Variants in PYGB observed in about 807,000 individuals in gnomAD.
PYGB encodes glycogen phosphorylase B.
Under a neutral mutation model 94.3 loss-of-function variants are expected in PYGB, and 82 were observed. That is an observed-to-expected ratio of 0.87 (90% CI 0.73 to 1.04). The LOEUF is 1.04. Among genes scored for constraint, PYGB ranks in the 50% least tolerant of loss-of-function variants. PYGB has a pLI of 0.00. For missense variants in PYGB, 1,132 were observed against 1,158.2 expected (o/e 0.98, Z 0.33); for synonymous variants, 488 against 479.1 (o/e 1.02, Z -0.24).
chr20:25,269,219 C>T lies in PYGB; in HGVS notation c.424+12C>T, dbSNP rs1415967713. 4.5e-6 allele frequency: 7 copies of T among 1,555,186 alleles called. No individual in the cohort carries two copies. Among genetic ancestry groups the T allele is most frequent in the Non-Finnish European group, 6.2e-6 (7 of 1,128,064 alleles). On this transcript the variant is annotated intron_variant, in intron 3 of 19. Transcript: ENST00000216962. ...GGGGAGGCTGGCAGGTAAGTTGCCCCATCCAGGAGGAGCTCTCTCGGACCC... is the reference window on the plus strand; with the variant it reads ...GGGGAGGCTGGCAGGTAAGTTGCCCTATCCAGGAGGAGCTCTCTCGGACCC...
Position 25,248,291 on chromosome 20 carries a change from T to C in PYGB, c.113T>C (p.Phe38Ser), listed in dbSNP as rs1315142552. Reference sequence around the variant, plus strand: ...AAGAGCTTCAACCGGCACTTGCACTTCACGCTGGTCAAGGACCGCAATGTG... The same window carrying C: ...AAGAGCTTCAACCGGCACTTGCACTCCACGCTGGTCAAGGACCGCAATGTG... ...VRKSFNRHLH[F>S]TLVKDRNVAT... The change falls in exon 1 of 20, where the codon TTC becomes TCC. Residue 38 changes from phenylalanine (F) to serine (S), a missense_variant. Physicochemically the swap from Phe to Ser is radical, Grantham distance 155. Coordinates refer to ENST00000216962, the MANE Select transcript of PYGB (RefSeq NM_002862.4). 3 of 1,604,966 alleles carry C rather than the reference T, an allele frequency of 1.9e-6. No homozygotes were observed. The highest frequency in any genetic ancestry group is 1.7e-5 in the Admixed American group (1 of 58,734).
intron 2 of PYGB, among the ~76,000 whole-genome samples, chr20:25,268,052 G>A (rs2088232619): frequency 6.6e-6 from 1 of 151,676 alleles, no homozygotes; most frequent in African/African-American, 2.4e-5. Flanking sequence ...TTTTATGGTT[G>A]GTTAAGTTTA....
intron 4 of PYGB, among the ~76,000 whole-genome samples, chr20:25,272,717 C>T (rs2088277810): frequency 6.6e-6 from 1 of 152,244 alleles, no homozygotes; most frequent in Non-Finnish European, 1.5e-5. Flanking sequence ...AGGCGCCTTT[C>T]TCCACTGCCT....
chr20:25,262,717 A>G (rs2092916400), intron 2 of PYGB, among the ~76,000 whole-genome samples: 2 of 151,574 alleles, frequency 1.3e-5, no homozygotes, highest in Non-Finnish European at 2.9e-5. Context: ...TATTCAGGAG[A>G]CCCATCTCAC....
Position 25,280,960 on chromosome 20 carries a change from G to A in PYGB, c.1251G>A (p.Ala417=), listed in dbSNP as rs767274675. The A allele has an allele frequency of 8.7e-6, 14 of 1,613,916 alleles. No individual in the cohort carries two copies. Among genetic ancestry groups the A allele is most frequent in the South Asian group, 5.5e-5 (5 of 91,054 alleles). ...INQRHLDHVA[A]LFPGDVDRLR... is the part of the protein sequence containing the mutation. ...TGTTTTGGCACCAGCACGTGGCCGC[G>A]CTGTTTCCCGGCGATGTGGACCGCC... Residue 417 remains alanine, a synonymous_variant, in exon 11 of 20, where the codon GCG becomes GCA. Coordinates refer to ENST00000216962, the MANE Select transcript of PYGB (RefSeq NM_002862.4).
chr20:25,259,817 T>C (rs889832717), intron 2 of PYGB, among the ~76,000 whole-genome samples: 1 of 152,240 alleles, frequency 6.6e-6, no homozygotes, highest in Admixed American at 6.5e-5. Context: ...CATTAGCACT[T>C]GTTCACTTTG....
chr20:25,274,857 G>T, intron 5 of PYGB, 134 bp downstream of exon 5: 1 of 1,372,406 alleles, frequency 7.3e-7, no homozygotes, highest in South Asian at 1.4e-5. Context: ...GTAAAAGCCG[G>T]GGGAGGTTTA....
At chr20:25,261,031 C>G (rs527330919) in intron 2 of PYGB, among the ~76,000 whole-genome samples, 2 of 152,348 alleles carry the variant, frequency 1.3e-5, no homozygotes, top group Admixed American at 1.3e-4. Context: ...CTGCCTGCCT[C>G]TGTAGACTCC....
intron 14 of PYGB, 87 bp from the exon 15 acceptor site, chr20:25,288,338 A>G (rs1488645970): frequency 4.2e-6 from 6 of 1,435,598 alleles, no homozygotes; most frequent in Admixed American, 3.3e-5. Flanking sequence ...GTCCTGCCTC[A>G]GGGTCGGCCT....
At chr20:25,285,313 C>T (rs1280538548) in intron 14 of PYGB, 3 of 152,194 alleles carry the variant, frequency 2.0e-5, no homozygotes, top group Non-Finnish European at 2.9e-5. Flanking sequence ...GGTGGTGACC[C>T]GGAGTCCTCC....
At position 25,248,108 on chromosome 20, in the gene PYGB, G is replaced by T; in HGVS notation, c.-71G>T. 6.8e-7 allele frequency: 1 copy of T among 1,475,646 alleles called. No individual in the cohort carries two copies. The highest frequency in any genetic ancestry group is 2.6e-5 in the East Asian group (1 of 37,846). The allele number at this position is 1,475,646 out of a possible 1,614,324, so 91.4% of individuals were successfully genotyped here. A position where few individuals can be genotyped will look rare whatever the true frequency, so the allele number is the denominator to read the frequency against. On this transcript the variant is annotated 5_prime_UTR_variant, in exon 1 of 20. Transcript: ENST00000216962. ...CCAGAGCAGCGGCGCCAGAGCAGCT[G>T]CACCATCCCGGCGTTCGCGTGTGCC...
intron 3 of PYGB, among the ~76,000 whole-genome samples, chr20:25,269,939 T>TA (rs2088251231): frequency 1.3e-5 from 2 of 152,112 alleles, no homozygotes; most frequent in African/African-American, 4.8e-5. Context: ...CATGGCCAGA[T>TA]ATGAGTAGAG....
At chr20:25,292,284 A>C in intron 16 of PYGB, 122 bp from the exon 17 acceptor site, 1 of 981,692 alleles carries the variant, frequency 1.0e-6, no homozygotes. Context: ...GAGCGGGGCC[A>C]CAGCATTGGT....
chr20:25,267,357 G>T (rs1464038124), intron 2 of PYGB, among the ~76,000 whole-genome samples: 1 of 152,198 alleles, frequency 6.6e-6, no homozygotes, highest in African/African-American at 2.4e-5. Context: ...GGAATTAGTG[G>T]TGATGGTTGC....
At position 25,297,387 on chromosome 20, in the gene PYGB, T is replaced by C. The variant is rs2088564450; in HGVS notation, c.*865T>C. 6.6e-6 allele frequency: 1 copy of C among 152,474 alleles called. No individual in the cohort carries two copies. Among genetic ancestry groups the C allele is most frequent in the Admixed American group, 6.5e-5 (1 of 15,286 alleles). The allele number at this position is 152,474 out of a possible 1,614,324, so 9.4% of individuals were successfully genotyped here. On this transcript the variant is annotated 3_prime_UTR_variant, in exon 20 of 20. Transcript: ENST00000216962. ...CACTTTTGTGCTTGAGGAGGCCCATTTTCTGCCTGGCAGGGGGCAGGTCTG... is the reference window on the plus strand; with the variant it reads ...CACTTTTGTGCTTGAGGAGGCCCATCTTCTGCCTGGCAGGGGGCAGGTCTG...
chr20:25,251,771 C>T (rs2092888709), intron 1 of PYGB, among the ~76,000 whole-genome samples: 1 of 152,202 alleles, frequency 6.6e-6, no homozygotes, highest in Non-Finnish European at 1.5e-5. Context: ...GTGGATGTAA[C>T]AATCAGTTTT....
intron 17 of PYGB, 197 bp from the exon 18 acceptor site, chr20:25,293,961 A>T: frequency 1.6e-6 from 1 of 631,518 alleles, no homozygotes; most frequent in Non-Finnish European, 2.7e-6. Context: ...GACTGACTTC[A>T]CATCTCTGCT....
At position 25,284,232 on chromosome 20, in the gene PYGB, C is replaced by T. The variant is rs369635492; in HGVS notation, c.1749C>T (p.His583=). 1.4e-5 allele frequency: 22 copies of T among 1,613,926 alleles called. No individual in the cohort carries two copies. The highest frequency in any genetic ancestry group is 8.3e-5 in the Admixed American group (5 of 60,030). ...AGCGGCAGCTGCTCAACTGCCTGCACGTCGTCACCCTGTACAATCGTGAGT... is the reference window on the plus strand; with the variant it reads ...AGCGGCAGCTGCTCAACTGCCTGCATGTCGTCACCCTGTACAATCGTGAGT... ...EYKRQLLNCL[H]VVTLYNRIKR... is the part of the protein sequence containing the mutation. Residue 583 remains histidine (H), a synonymous_variant, in exon 14 of 20, where the codon CAC becomes CAT. Coordinates refer to ENST00000216962, the MANE Select transcript of PYGB (RefSeq NM_002862.4).
chr20:25,248,223 C>A lies in PYGB; in HGVS notation c.45C>A (p.Ser15Arg). Residue 15 changes from serine to arginine, a missense_variant, in exon 1 of 20, where the codon AGC becomes AGA. Transcript: ENST00000216962. ...ACAGCGAGAAGCGGAAGCAGATCAG[C>A]GTGCGCGGCCTGGCGGGGCTAGGCG... ...LTDSEKRKQI[S>R]VRGLAGLGDV... 6.3e-7 allele frequency: 1 copy of A among 1,595,720 alleles called. No homozygotes were observed. Among genetic ancestry groups the A allele is most frequent in the African/African-American group, 1.4e-5 (1 of 73,356 alleles).
Sources: gnomAD v4.1 joint callset for allele counts (sites outside exome capture counted in the v4.1 genomes callset) on GRCh38, gnomAD v4.1.1 for gene constraint, MANE v1.5 for transcripts, NCBI Gene and HGNC (gene_info 2026-07-23, HGNC 2026-07-21) for gene names.